Variants in GXYLT2 observed in about 807,000 individuals in gnomAD.
GXYLT2 encodes glucoside xylosyltransferase 2.
GXYLT2 carries 53 observed loss-of-function variants against 45.8 expected under a neutral mutation model. That is an observed-to-expected ratio of 1.16 (90% confidence interval 0.93 to 1.46). The LOEUF is 1.46. Ranked by LOEUF, GXYLT2 falls within the 40% of genes most tolerant of loss-of-function variation. The pLI is 0.00. For synonymous variants in GXYLT2, 219 were observed against 214.2 expected (o/e 1.02, Z -0.19); for missense variants, 551 against 544.4 (o/e 1.01, Z -0.12).
At chr3:72,917,007 T>A (rs1709756134) in intron 2 of GXYLT2, among the ~76,000 whole-genome samples, 1 of 152,182 alleles carries the variant, frequency 6.6e-6, no homozygotes, top group Admixed American at 6.6e-5. Context: ...AGGAGTTACC[T>A]ACTGAGGTAA....
chr3:72,963,029 A>G (rs1393742136), intron 5 of GXYLT2, among the ~76,000 whole-genome samples: 1 of 151,754 alleles, frequency 6.6e-6, no homozygotes, highest in Non-Finnish European at 1.5e-5. Flanking sequence ...GTATTAAGCG[A>G]GGCCGGGTGT....
chr3:72,969,541 T>G (rs1414298507), intron 6 of GXYLT2, among the ~76,000 whole-genome samples: 1 of 152,172 alleles, frequency 6.6e-6, no homozygotes, highest in Non-Finnish European at 1.5e-5. Context: ...CTTGCTTTGT[T>G]GCCCAGGCTG....
rs1479292363 is a variant in GXYLT2, at chr3:72,947,038, G to A, written c.601-8060G>A. Among the ~76,000 whole-genome samples, 6 of 152,006 alleles carry A rather than the reference G, an allele frequency of 3.9e-5. No homozygotes were observed. The South Asian group carries it at 1.2e-3, about 32-fold the overall frequency. ...TTACTATTATTAATATTATTGAAGA[G>A]ATGAGGCCTTACTACATGGCCCAGG... On this transcript the variant is annotated intron_variant, in intron 3 of 6. Coordinates refer to ENST00000389617, the MANE Select transcript of GXYLT2 (RefSeq NM_001080393.2).
At chr3:72,946,378 A>G (rs566389530) in intron 3 of GXYLT2, among the ~76,000 whole-genome samples, 88 of 151,760 alleles carry the variant, frequency 5.8e-4, no homozygotes, top group Non-Finnish European at 9.3e-4. Context: ...GAGAGAAGAC[A>G]TCCCAGTCGT....
chr3:72,941,519 A>G (rs1425538955), intron 3 of GXYLT2, among the ~76,000 whole-genome samples: 1 of 152,132 alleles, frequency 6.6e-6, no homozygotes, highest in Non-Finnish European at 1.5e-5. Flanking sequence ...CCTGGAGACA[A>G]TAACCTGGCC....
At chr3:72,948,946 G>A (rs76265754) in intron 3 of GXYLT2, among the ~76,000 whole-genome samples, 6,494 of 152,042 alleles carry the variant, frequency 0.043, 464 homozygotes, top group African/African-American at 0.15. Flanking sequence ...AATTCTAGGA[G>A]AACTGTCATG....
Position 72,929,053 on chromosome 3 carries a change from G to A in GXYLT2, c.600+6718G>A, listed in dbSNP as rs191752439. ...CCTTAGCCGCCGCCGTGACGACCGC[G>A]TCCACCTCGCAGGTGCGCCAGAGCT... On this transcript the variant is annotated intron_variant, in intron 3 of 6. Coordinates refer to ENST00000389617, the MANE Select transcript of GXYLT2 (RefSeq NM_001080393.2). 7.2e-5 allele frequency: 114 copies of A among 1,577,260 alleles called. No homozygotes were observed. In the African/African-American group the frequency reaches 1.0e-3, roughly 14 times the overall value.
chr3:72,970,550 G>T (rs1444278917), intron 6 of GXYLT2, among the ~76,000 whole-genome samples: 2 of 152,010 alleles, frequency 1.3e-5, no homozygotes, highest in African/African-American at 4.8e-5. Context: ...GAGTCCTGGA[G>T]AATTCTAACT....
chr3:72,957,372 T>C lies in GXYLT2; in HGVS notation c.976+20T>C. ...ACCCAGGTAGGTTATCTTTGGAGAA[T>C]GCCTTTTGTGTAGGAGTACACTCAG... On this transcript the variant is annotated intron_variant, in intron 5 of 6. Coordinates refer to ENST00000389617, the MANE Select transcript of GXYLT2 (RefSeq NM_001080393.2). The C allele has an allele frequency of 1.3e-6, 2 of 1,580,584 alleles. No homozygotes were observed. The highest frequency in any genetic ancestry group is 1.2e-5 in the South Asian group (1 of 86,778).
At chr3:72,928,126 C>T (rs1709953675) in intron 3 of GXYLT2, among the ~76,000 whole-genome samples, 1 of 152,178 alleles carries the variant, frequency 6.6e-6, no homozygotes, top group Non-Finnish European at 1.5e-5. Context: ...GCAGCTACGG[C>T]AGAAAAAGAG....
In GXYLT2 at chr3:72,947,281, A is replaced by G. The variant is rs115315621; in HGVS notation, c.601-7817A>G. Among the ~76,000 whole-genome samples the G allele has an allele frequency of 4.7e-3, 720 of 152,284 alleles. 7 individuals carry two copies. Among genetic ancestry groups the G allele is most frequent in the African/African-American group, 0.016 (662 of 41,566 alleles). ...CCTGGCTGTAGACGGGGAGAGAATT[A>G]GGAGCTCATTGGCTTTCTATTAGGA... On this transcript the variant is annotated intron_variant, in intron 3 of 6. Coordinates refer to ENST00000389617, the MANE Select transcript of GXYLT2 (RefSeq NM_001080393.2).
intron 6 of GXYLT2, among the ~76,000 whole-genome samples, chr3:72,970,737 C>T (rs1710973530): frequency 6.6e-6 from 1 of 152,156 alleles, no homozygotes. Context: ...TGGCGCATGC[C>T]TGTAATCCCA....
intron 3 of GXYLT2, chr3:72,929,555 CTT>C: frequency 8.7e-7 from 1 of 1,148,388 alleles, no homozygotes; most frequent in Non-Finnish European, 1.3e-6. Flanking sequence ...CAGAATATCT[CTT>C]TGACAAGCAC....
chr3:72,916,314 GAA>G (rs1056060484), intron 2 of GXYLT2, among the ~76,000 whole-genome samples: 2 of 128,104 alleles, frequency 1.6e-5, no homozygotes. Context: ...CAAACTTTAG[GAA>G]AAAAAAAAAA....
chr3:72,930,935 C>T (rs1710020346), intron 3 of GXYLT2, among the ~76,000 whole-genome samples: 1 of 152,078 alleles, frequency 6.6e-6, no homozygotes. Context: ...GGCTGAATGT[C>T]AACACGGAAA....
In GXYLT2 at chr3:72,908,244, T is replaced by C. The variant is rs541364732; in HGVS notation, c.276-123T>C. Reference sequence around the variant, plus strand: ...AATTGTCAAAATGCTTATCACTTTATAAAATATAACAGATTGTGCCTGATC... The same window carrying C: ...AATTGTCAAAATGCTTATCACTTTACAAAATATAACAGATTGTGCCTGATC... On this transcript the variant is annotated intron_variant, in intron 1 of 6. Transcript: ENST00000389617. The C allele has an allele frequency of 2.3e-5, 15 of 660,278 alleles. No homozygotes were observed. The Admixed American group carries it at 3.8e-4, about 17-fold the overall frequency. The allele number at this position is 660,278 out of a possible 1,614,324, so 40.9% of individuals were successfully genotyped here. A position where few individuals can be genotyped will look rare whatever the true frequency, so the allele number is the denominator to read the frequency against.
chr3:72,889,991 T>C (rs1374533404), intron 1 of GXYLT2, among the ~76,000 whole-genome samples: 1 of 149,396 alleles, frequency 6.7e-6, no homozygotes, highest in African/African-American at 2.5e-5. Flanking sequence ...CTGCAACCGC[T>C]GCCTCCCGGG....
At chr3:72,889,684 G>GATTA (rs1364016942) in intron 1 of GXYLT2, among the ~76,000 whole-genome samples, 1 of 152,138 alleles carries the variant, frequency 6.6e-6, no homozygotes, top group Non-Finnish European at 1.5e-5. Flanking sequence ...TCTTGTAAGA[G>GATTA]ATTAATTAGG....
chr3:72,946,968 T>G (rs1230011056), intron 3 of GXYLT2, among the ~76,000 whole-genome samples: 1 of 151,864 alleles, frequency 6.6e-6, no homozygotes, highest in Non-Finnish European at 1.5e-5. Context: ...GGACTACAGG[T>G]GCACAGTACC....
Sources: allele counts gnomAD v4.1 joint callset (sites outside exome capture counted in the v4.1 genomes callset), GRCh38; gene constraint gnomAD v4.1.1; transcripts MANE v1.5; gene names NCBI Gene and HGNC (gene_info 2026-07-23, HGNC 2026-07-21).